ARHGAP21: variants seen among roughly 807,000 people sequenced by gnomAD.
ARHGAP21 encodes rho GTPase-activating protein 21.
A neutral mutation model predicts 164.6 loss-of-function variants in ARHGAP21; 38 were observed. The ratio of observed to expected loss-of-function variants is 0.23; its 90% CI spans 0.18 to 0.30. The LOEUF is 0.30. Ranked by LOEUF, ARHGAP21 falls within the 10% of genes least tolerant of loss-of-function variation. ARHGAP21 has a pLI of 1.00. For missense variants in ARHGAP21, 1,822 were observed against 2,370.7 expected (o/e 0.77, Z 4.81); for synonymous variants, 766 against 857.9 (o/e 0.89, Z 1.87).
intron 2 of ARHGAP21, among the ~76,000 whole-genome samples, chr10:24,712,004 C>T (rs1372991226): frequency 6.6e-6 from 1 of 152,118 alleles, no homozygotes; most frequent in East Asian, 1.9e-4. Context: ...ACCTCCGCCA[C>T]TTGGATTCAA....
chr10:24,587,970 A>G (rs1222215848), intron 25 of ARHGAP21, among the ~76,000 whole-genome samples: 2 of 152,222 alleles, frequency 1.3e-5, no homozygotes, highest in East Asian at 1.9e-4. Context: ...AAATGCATCT[A>G]GAGAAGGGAA....
At chr10:24,604,131 C>T (rs527542204) in intron 12 of ARHGAP21, among the ~76,000 whole-genome samples, 181 bp downstream of exon 12, 1 of 152,178 alleles carries the variant, frequency 6.6e-6, no homozygotes, top group Admixed American at 6.5e-5. Context: ...GGCTGCTGGG[C>T]AGTTAGGACT....
At position 24,604,346 on chromosome 10, in the gene ARHGAP21, G is replaced by T; in HGVS notation, c.2687C>A (p.Ser896Tyr). 1.3e-6 allele frequency: 2 copies of T among 1,587,902 alleles called. No homozygotes were observed. Among genetic ancestry groups the T allele is most frequent in the South Asian group, 2.4e-5 (2 of 85,056 alleles). Reference sequence around the variant, plus strand: ...CTTCAGACTAGATACGTGCTTAAAGGACCTGTTGGGGAAAAAATATATAAA... The same window carrying T: ...CTTCAGACTAGATACGTGCTTAAAGTACCTGTTGGGGAAAAAATATATAAA... The part of the protein sequence containing the change: ...LDDYREDAKL[S>Y]FKHVSSLKGI... The change falls in exon 12 of 26, where the codon TCC becomes TAC. Residue 896 changes from serine to tyrosine, a missense_variant and splice_region_variant. By Grantham distance (144) the Ser-to-Tyr change is moderately radical. Around this residue, in one of 5 missense-constraint regions of ARHGAP21, gnomAD observed 1,090 missense variants for 1,378.9 expected, o/e 0.79. Transcript: ENST00000396432.
At chr10:24,667,733 A>G (rs1840330459) in intron 3 of ARHGAP21, among the ~76,000 whole-genome samples, 1 of 151,086 alleles carries the variant, frequency 6.6e-6, no homozygotes, top group Non-Finnish European at 1.5e-5. Flanking sequence ...TAATTTTTTG[A>G]CCTTTATTTT....
At chr10:24,669,563 T>C (rs1289464633) in intron 3 of ARHGAP21, among the ~76,000 whole-genome samples, 5 of 152,208 alleles carry the variant, frequency 3.3e-5, no homozygotes, top group African/African-American at 1.2e-4. Flanking sequence ...CAGATCAGTT[T>C]CCACATCTGT....
At chr10:24,628,954 A>C (rs1161861592) in intron 7 of ARHGAP21, 3 of 8,878 alleles carry the variant, frequency 3.4e-4, no homozygotes, top group African/African-American at 2.2e-3. Flanking sequence ...CACACACACT[A>C]TATATATATA....
chr10:24,681,829 G>A (rs1392731834), intron 2 of ARHGAP21, among the ~76,000 whole-genome samples: 4 of 152,060 alleles, frequency 2.6e-5, no homozygotes, highest in Non-Finnish European at 5.9e-5. Flanking sequence ...ATAAACTGTT[G>A]GAACTAGTAT....
chr10:24,670,128 A>C (rs762886931), intron 3 of ARHGAP21, 90 bp downstream of exon 3: 11 of 812,694 alleles, frequency 1.4e-5, no homozygotes, highest in Non-Finnish European at 1.8e-5. Flanking sequence ...GACAGAAAAA[A>C]GGCCATAGGG....
intron 2 of ARHGAP21, among the ~76,000 whole-genome samples, chr10:24,680,361 T>C (rs1261643434): frequency 6.6e-6 from 1 of 152,198 alleles, no homozygotes; most frequent in Non-Finnish European, 1.5e-5. Context: ...TTCTAATGTA[T>C]TATTATGACT....
chr10:24,661,324 A>T (rs1839675169), intron 4 of ARHGAP21, among the ~76,000 whole-genome samples: 1 of 151,952 alleles, frequency 6.6e-6, no homozygotes, highest in African/African-American at 2.4e-5. Context: ...AGAAGAAAAA[A>T]TACTTTTAAA....
chr10:24,709,216 T>C (rs909623198), intron 2 of ARHGAP21, among the ~76,000 whole-genome samples: 14 of 151,726 alleles, frequency 9.2e-5, no homozygotes, highest in Admixed American at 3.3e-4. Context: ...CAAGAAGAAA[T>C]AGAAAACCTG....
At chr10:24,704,054 G>T (rs1038149862) in intron 2 of ARHGAP21, among the ~76,000 whole-genome samples, 1 of 151,944 alleles carries the variant, frequency 6.6e-6, no homozygotes, top group Non-Finnish European at 1.5e-5. Flanking sequence ...GACAACAGTG[G>T]GTACAACATG....
intron 2 of ARHGAP21, among the ~76,000 whole-genome samples, chr10:24,706,243 C>T (rs537171655): frequency 6.6e-6 from 1 of 152,226 alleles, no homozygotes; most frequent in East Asian, 1.9e-4. Context: ...TTAAGTAATT[C>T]ATTCTAACTT....
Position 24,589,257 on chromosome 10 carries a change from A to G in ARHGAP21, c.4182+14T>C. The G allele has an allele frequency of 6.3e-7, 1 of 1,596,246 alleles. No homozygotes were observed. Among genetic ancestry groups the G allele is most frequent in the Non-Finnish European group, 8.6e-7 (1 of 1,165,952 alleles). ...TCCCCCCTAAAATATTTCAAATTGTATGAAACAATTTACCTTAGATTTTGT... is the reference window on the plus strand; with the variant it reads ...TCCCCCCTAAAATATTTCAAATTGTGTGAAACAATTTACCTTAGATTTTGT... On this transcript the variant is annotated intron_variant, in intron 25 of 25. Transcript: ENST00000396432.
Position 24,595,772 on chromosome 10 carries a change from T to A in ARHGAP21, c.3657A>T (p.Ile1219=). The A allele has an allele frequency of 6.2e-7, 1 of 1,613,702 alleles. No homozygotes were observed. Among genetic ancestry groups the A allele is most frequent in the Non-Finnish European group, 8.5e-7 (1 of 1,179,768 alleles). ...QDDKWRDLNV[I]SSLLKSFFRK... ...TGAAGAAGGATTTTAGTAAACTGCT[T>A]ATCACATTCAAATCTCGCCATTTCT... The change falls in exon 19 of 26, where the codon ATA becomes ATT. Residue 1219 remains isoleucine, a synonymous_variant. Coordinates refer to ENST00000396432, the MANE Select transcript of ARHGAP21 (RefSeq NM_020824.4).
chr10:24,662,078 G>A (rs1465764085), intron 4 of ARHGAP21, among the ~76,000 whole-genome samples: 1 of 152,186 alleles, frequency 6.6e-6, no homozygotes, highest in Non-Finnish European at 1.5e-5. Flanking sequence ...TGCTAGCCAA[G>A]TACTGAAACT....
intron 6 of ARHGAP21, among the ~76,000 whole-genome samples, chr10:24,633,008 C>T (rs1418282917): frequency 6.6e-6 from 1 of 152,038 alleles, no homozygotes. Flanking sequence ...TGAGTTGAGG[C>T]TAGGAAGATT....
chr10:24,668,603 T>A (rs1260623954), intron 3 of ARHGAP21, among the ~76,000 whole-genome samples: 1 of 152,178 alleles, frequency 6.6e-6, no homozygotes, highest in Non-Finnish European at 1.5e-5. Flanking sequence ...TTTACTTCAA[T>A]GTTTAATACT....
At chr10:24,644,012 C>G (rs1837330421) in intron 4 of ARHGAP21, among the ~76,000 whole-genome samples, 1 of 152,132 alleles carries the variant, frequency 6.6e-6, no homozygotes, top group Non-Finnish European at 1.5e-5. Context: ...CCACACCCGG[C>G]CATCATAAAC....
Sources: gnomAD v4.1 joint callset for allele counts (sites outside exome capture counted in the v4.1 genomes callset) on GRCh38, gnomAD v4.1.1 for gene constraint, gnomAD v4.1.1 regional missense constraint, MANE v1.5 for transcripts, NCBI Gene and HGNC (gene_info 2026-07-23, HGNC 2026-07-21) for gene names.